The following SPICE1 variants were observed in gnomAD, a reference collection of about 807,000 sequenced individuals.
SPICE1 encodes spindle and centriole-associated protein 1.
A neutral mutation model predicts 102.7 loss-of-function variants in SPICE1; 75 were observed. The observed-to-expected ratio is 0.73, with a 90% CI of 0.61 to 0.88. The LOEUF (loss-of-function observed/expected upper bound fraction) is 0.88. Ranked by LOEUF, SPICE1 falls within the 40% of genes least tolerant of loss-of-function variation. SPICE1 has a pLI of 0.00. For synonymous variants in SPICE1, 308 were observed against 350.3 expected (o/e 0.88, Z 1.35); for missense variants, 979 against 1,020.1 (o/e 0.96, Z 0.55).
At position 113,465,729 on chromosome 3, in the gene SPICE1, A is replaced by G. The variant is rs1193822413; in HGVS notation, c.1211T>C (p.Leu404Ser). ...ATCAATGAGCTCTCGATGATCACCT[A>G]ATACTTGTTCCAGTTGTTGCCTTGT... The part of the protein sequence containing the change: ...VETRQQLEQV[L>S]GDHRELIDAL... Residue 404 changes from leucine (L) to serine (S), a missense_variant, in exon 11 of 18, where the codon TTA becomes TCA. Transcript: ENST00000295872. The G allele has an allele frequency of 6.8e-6, 11 of 1,613,762 alleles. No individual in the cohort carries two copies. The highest frequency in any genetic ancestry group is 9.3e-6 in the Non-Finnish European group (11 of 1,179,866).
rs979437226 is a variant in SPICE1 at position 113,485,636 on chromosome 3, C to T, written c.611+3309G>A. ...GGGACAGAGCACCTGGGAGAAGGGG[C>T]GGCTGTGGGCACAGCTTCATCAGAC... On this transcript the variant is annotated intron_variant, in intron 7 of 17. Coordinates refer to ENST00000295872, the MANE Select transcript of SPICE1 (RefSeq NM_144718.4). Among the ~76,000 whole-genome samples the T allele has an allele frequency of 5.9e-5, 9 of 152,172 alleles. No individual in the cohort carries two copies. In the South Asian group the frequency reaches 1.2e-3, roughly 21 times the overall value.
chr3:113,508,504 AAACAC>A (rs150861389), intron 1 of SPICE1, among the ~76,000 whole-genome samples: 3,472 of 152,324 alleles, frequency 0.023, 53 homozygotes, highest in Non-Finnish European at 0.036. Context: ...GACAGCTAAT[AAACAC>A]ATGAAAAGAT....
In SPICE1 at chr3:113,460,905, T is replaced by C. The variant is rs1057486840; in HGVS notation, c.1288-141A>G. ...AGGATATGTATGTATAATATCATCA[T>C]TTTAAATACTTCAGGAATTTGAGAC... On this transcript the variant is annotated intron_variant, in intron 11 of 17. Transcript: ENST00000295872. 10 of 584,174 alleles carry C rather than the reference T, an allele frequency of 1.7e-5. No homozygotes were observed. In the South Asian group the frequency reaches 5.1e-4, roughly 30 times the overall value. The allele number at this position is 584,174 out of a possible 1,614,324, so 36.2% of individuals were successfully genotyped here.
intron 13 of SPICE1, among the ~76,000 whole-genome samples, chr3:113,456,915 T>C (rs1935791106): frequency 6.6e-6 from 1 of 152,210 alleles, no homozygotes; most frequent in African/African-American, 2.4e-5. Context: ...GTTTAATACT[T>C]ACAATGTTTA....
chr3:113,506,478 A>G (rs1937113928), intron 2 of SPICE1, 29 bp downstream of exon 2: 1 of 1,539,920 alleles, frequency 6.5e-7, no homozygotes, highest in African/African-American at 1.4e-5. Flanking sequence ...GAGTAATGTT[A>G]CATTATTTAC....
At position 113,444,145 on chromosome 3, in the gene SPICE1, T is replaced by C. The variant is rs547661418; in HGVS notation, c.*1162A>G. 2.0e-5 allele frequency: 3 copies of C among 151,896 alleles called. No individual in the cohort carries two copies. Among genetic ancestry groups the C allele is most frequent in the Non-Finnish European group, 4.4e-5 (3 of 67,994 alleles). The allele number at this position is 151,896 out of a possible 1,614,324, so 9.4% of individuals were successfully genotyped here. A position where few individuals can be genotyped will look rare whatever the true frequency, so the allele number is the denominator to read the frequency against. On this transcript the variant is annotated 3_prime_UTR_variant, in exon 18 of 18. Transcript: ENST00000295872. ...CTATCATAGAGCCAGGGAGCAGAGATCATTCAAAAAACAAGTTTAAAATAG... is the reference window on the plus strand; with the variant it reads ...CTATCATAGAGCCAGGGAGCAGAGACCATTCAAAAAACAAGTTTAAAATAG...
At chr3:113,470,545 T>C (rs549963558) in intron 7 of SPICE1, among the ~76,000 whole-genome samples, 1 of 152,334 alleles carries the variant, frequency 6.6e-6, no homozygotes, top group Admixed American at 6.5e-5. Context: ...AAAGACAGGA[T>C]GAAATGAAGG....
At chr3:113,490,116 G>C (rs1238865654) in intron 6 of SPICE1, among the ~76,000 whole-genome samples, 1 of 152,122 alleles carries the variant, frequency 6.6e-6, no homozygotes, top group East Asian at 1.9e-4. Flanking sequence ...ATACACTTAA[G>C]TAAAAGCAAA....
chr3:113,460,399 C>A, intron 12 of SPICE1: 11 of 942,852 alleles, frequency 1.2e-5, no homozygotes, highest in Non-Finnish European at 1.4e-5. Context: ...ACTATTATGA[C>A]ACGAATTGAA....
rs1263812051 is a variant in SPICE1, at chr3:113,465,647, G to A, written c.1287+6C>T. 4.3e-6 allele frequency: 7 copies of A among 1,611,302 alleles called. No individual in the cohort carries two copies. Among genetic ancestry groups the A allele is most frequent in the Non-Finnish European group, 5.1e-6 (6 of 1,179,286 alleles). ...ACACATAAAAATTGGGATCTCATCT[G>A]AGTACCTGTGTAGCAGCGTTTTCTT... On this transcript the variant is annotated splice_donor_region_variant and intron_variant, in intron 11 of 17. Transcript: ENST00000295872.
At chr3:113,470,009 T>C (rs760507784) in intron 7 of SPICE1, among the ~76,000 whole-genome samples, 1 of 152,198 alleles carries the variant, frequency 6.6e-6, no homozygotes, top group African/African-American at 2.4e-5. Context: ...GAAGAGATGC[T>C]GCAGTTTAGG....
intron 8 of SPICE1, 74 bp from the exon 9 acceptor site, chr3:113,468,973 C>A: frequency 6.4e-7 from 1 of 1,565,528 alleles, no homozygotes; most frequent in Non-Finnish European, 8.6e-7. Flanking sequence ...TTGACAGATC[C>A]ATCAGTATTT....
At chr3:113,485,167 G>GTTTTTT (rs767458439) in intron 7 of SPICE1, among the ~76,000 whole-genome samples, 1 of 147,192 alleles carries the variant, frequency 6.8e-6, no homozygotes, top group African/African-American at 2.5e-5. Flanking sequence ...AGCTGCAGGA[G>GTTTTTT]TTTTGTTTGT....
chr3:113,478,655 G>C (rs1559967269), intron 7 of SPICE1, among the ~76,000 whole-genome samples: 2 of 152,126 alleles, frequency 1.3e-5, no homozygotes, highest in Non-Finnish European at 2.9e-5. Flanking sequence ...CATACTAGTA[G>C]TAGGAGACTT....
At chr3:113,475,053 G>C (rs1199845628) in intron 7 of SPICE1, among the ~76,000 whole-genome samples, 2 of 151,926 alleles carry the variant, frequency 1.3e-5, no homozygotes, top group Non-Finnish European at 2.9e-5. Flanking sequence ...TAATAAAAAA[G>C]AAAAGAAAGA....
intron 4 of SPICE1, among the ~76,000 whole-genome samples, chr3:113,494,442 T>C (rs2107496291): frequency 6.6e-6 from 1 of 151,998 alleles, no homozygotes; most frequent in South Asian, 2.1e-4. Context: ...GGTCAGGAGA[T>C]CGAGACCATC....
At chr3:113,473,192 G>C (rs1395287522) in intron 7 of SPICE1, among the ~76,000 whole-genome samples, 2 of 152,168 alleles carry the variant, frequency 1.3e-5, no homozygotes, top group East Asian at 3.8e-4. Flanking sequence ...ATCAGCGATG[G>C]AAGATGAAAT....
chr3:113,498,301 A>T (rs2107500058), intron 4 of SPICE1, among the ~76,000 whole-genome samples: 1 of 152,284 alleles, frequency 6.6e-6, no homozygotes, highest in South Asian at 2.1e-4. Flanking sequence ...AACATCACTC[A>T]TCGTCTCTCA....
Position 113,468,290 on chromosome 3 carries a change from T to C in SPICE1, c.1004A>G (p.Lys335Arg). ...NRTNSNLDVL[K>R]HMIHEVEHEM... ...ATGTTCCACTTCATGTATCATGTGT[T>C]TGAGGACATCCAGGTTGGAATTAGT... The change falls in exon 10 of 18, where the codon AAA becomes AGA. Residue 335 changes from lysine (K) to arginine (R), a missense_variant. Transcript: ENST00000295872. 1 of 1,614,182 alleles carries C rather than the reference T, an allele frequency of 6.2e-7. No individual in the cohort carries two copies. The highest frequency in any genetic ancestry group is 8.5e-7 in the Non-Finnish European group (1 of 1,180,042).
Sources: gnomAD v4.1 joint callset for allele counts (sites outside exome capture counted in the v4.1 genomes callset) on GRCh38, gnomAD v4.1.1 for gene constraint, MANE v1.5 for transcripts, NCBI Gene and HGNC (gene_info 2026-07-23, HGNC 2026-07-21) for gene names.